The following OSBP2 variants were observed in gnomAD, a reference collection of about 807,000 sequenced individuals.
OSBP2 encodes oxysterol binding protein 2, also known as oxysterol-binding protein 2.
Under a neutral mutation model 96.0 loss-of-function variants are expected in OSBP2, and 66 were observed. That is an observed-to-expected ratio of 0.69 (90% CI 0.56 to 0.84). The LOEUF (loss-of-function observed/expected upper bound fraction) is 0.84. OSBP2 is among the 40% of genes least tolerant of loss of function. OSBP2 has a pLI of 0.00. For synonymous variants in OSBP2, 525 were observed against 520.9 expected, an observed-to-expected ratio of 1.01 and a Z score of -0.11; for missense variants, 1,038 against 1,222.7, an observed-to-expected ratio of 0.85 and a Z score of 2.25.
chr22:30,705,449 A>G (rs2089237532), intron 1 of OSBP2, among the ~76,000 whole-genome samples: 1 of 152,016 alleles, frequency 6.6e-6, no homozygotes, highest in Non-Finnish European at 1.5e-5. Flanking sequence ...ATGCACCACC[A>G]TGCCCGGCTA....
chr22:30,813,584 C>T (rs1182776614), intron 2 of OSBP2, among the ~76,000 whole-genome samples: 1 of 152,070 alleles, frequency 6.6e-6, no homozygotes, highest in East Asian at 1.9e-4. Flanking sequence ...TGCTGTCTGT[C>T]CTGCCCATCC....
chr22:30,906,261 G>C lies in OSBP2; in HGVS notation c.2673G>C (p.Glu891Asp), dbSNP rs778478467. The C allele has an allele frequency of 3.7e-6, 6 of 1,614,218 alleles. No homozygotes were observed. In the South Asian group the frequency reaches 6.6e-5, roughly 18 times the overall value. The change falls in exon 14 of 14, where the codon GAG becomes GAC. Residue 891 changes from glutamate to aspartate, a missense_variant. Glu to Asp is a conservative substitution (Grantham distance 45). Around this residue, in one of 3 missense-constraint regions of OSBP2, gnomAD observed 737 missense variants for 913.3 expected, o/e 0.81. Coordinates refer to ENST00000332585, the MANE Select transcript of OSBP2 (RefSeq NM_030758.4). ...FEKRLDPLTG[E>D]MACVYKGGYW... Reference sequence around the variant, plus strand: ...AGAGGCTGGATCCGCTGACCGGGGAGATGGCCTGTGTGTACAAGGGCGGCT... The same window carrying C: ...AGAGGCTGGATCCGCTGACCGGGGACATGGCCTGTGTGTACAAGGGCGGCT...
chr22:30,892,260 G>T (rs776006544), intron 8 of OSBP2, among the ~76,000 whole-genome samples: 12 of 152,158 alleles, frequency 7.9e-5, no homozygotes, highest in Non-Finnish European at 1.8e-4. Context: ...GGATGCTGAG[G>T]TATAGGCGAG....
chr22:30,863,060 G>T (rs1304023653), intron 2 of OSBP2, among the ~76,000 whole-genome samples: 1 of 152,118 alleles, frequency 6.6e-6, no homozygotes, highest in Non-Finnish European at 1.5e-5. Flanking sequence ...TCTTCTGGGG[G>T]TGACACTTGC....
At chr22:30,895,828 C>T (rs974281849) in intron 12 of OSBP2, among the ~76,000 whole-genome samples, 3 of 151,584 alleles carry the variant, frequency 2.0e-5, no homozygotes, top group African/African-American at 7.3e-5. Context: ...ATCCCAGCTA[C>T]TCAGGAGGCT....
intron 2 of OSBP2, among the ~76,000 whole-genome samples, chr22:30,801,030 T>C (rs1050728419): frequency 6.6e-6 from 1 of 152,242 alleles, no homozygotes; most frequent in Non-Finnish European, 1.5e-5. Flanking sequence ...AATTAGACTA[T>C]TAACGGAGTT....
In OSBP2 at chr22:30,871,335, G is replaced by A. The variant is rs534031189; in HGVS notation, c.1107+653G>A. 1.3e-5 allele frequency among the ~76,000 whole-genome samples: 2 copies of A among 152,260 alleles called. No individual in the cohort carries two copies. Among genetic ancestry groups the A allele is most frequent in the South Asian group, 2.1e-4 (1 of 4,818 alleles). On this transcript the variant is annotated intron_variant, in intron 3 of 13. Transcript: ENST00000332585. The surrounding 1 kb of genome is among the most constrained non-coding windows in gnomAD (Gnocchi z 4.7). ...GGAGGGTGTCTCGATGGTGGTAGGA[G>A]GATAGTGCTTGGCCCTGCTTCCCTC... is the stretch of plus-strand genomic sequence containing the variant.
intron 2 of OSBP2, among the ~76,000 whole-genome samples, chr22:30,755,847 G>A (rs753281348): frequency 2.0e-4 from 31 of 152,240 alleles, no homozygotes; most frequent in Non-Finnish European, 2.9e-4. Flanking sequence ...TGGTGTCTTG[G>A]TGCCTCTGCT....
Position 30,870,157 on chromosome 22 carries a change from CA to C in OSBP2, c.854-269del, listed in dbSNP as rs2039428148. ...TGGGTGCCTGTAGGCCTGCCGCCTC[CA>C]AAGCCCAGTCCCGGCCCTGCCATTC... On this transcript the variant is annotated intron_variant, in intron 2 of 13. Coordinates refer to ENST00000332585, the MANE Select transcript of OSBP2 (RefSeq NM_030758.4). The surrounding 1 kb of genome is among the most constrained non-coding windows in gnomAD (Gnocchi z 4.1). 6.6e-6 allele frequency among the ~76,000 whole-genome samples: 1 copy of C among 152,338 alleles called. No homozygotes were observed. Among genetic ancestry groups the C allele is most frequent in the Middle Eastern group, 3.4e-3 (1 of 294 alleles).
At chr22:30,847,225 A>G (rs1254878048) in intron 2 of OSBP2, among the ~76,000 whole-genome samples, 1 of 150,478 alleles carries the variant, frequency 6.6e-6, no homozygotes, top group East Asian at 2.0e-4. Flanking sequence ...TGATCTTCTT[A>G]CCTCGGCCTC....
intron 2 of OSBP2, among the ~76,000 whole-genome samples, chr22:30,763,094 C>T (rs1340631841): frequency 2.0e-5 from 3 of 152,176 alleles, no homozygotes; most frequent in African/African-American, 7.2e-5. Flanking sequence ...AAATGGGTTT[C>T]ATGATAGAAC....
In OSBP2 at chr22:30,695,518, G is replaced by C. The variant is rs760991362; in HGVS notation, c.609G>C (p.Trp203Cys). ...ATCTGAAGGGCTACCAGCGCCGCTG[G>C]TTCGTGCTGGGCAATGGTTTGCTCT... is the stretch of plus-strand genomic sequence containing the variant. Reference protein sequence around the residue: ...TNYLKGYQRRWFVLGNGLLSY... With the variant: ...TNYLKGYQRRCFVLGNGLLSY... The change falls in exon 1 of 14, where the codon TGG (tryptophan) becomes TGC (cysteine). Residue 203 changes from tryptophan to cysteine, a missense_variant. Transcript: ENST00000332585. The C allele has an allele frequency of 1.9e-6, 3 of 1,611,782 alleles. No individual in the cohort carries two copies. In the South Asian group the frequency reaches 3.3e-5, roughly 18 times the overall value.
At chr22:30,802,177 G>A (rs531310378) in intron 2 of OSBP2, among the ~76,000 whole-genome samples, 51 of 152,286 alleles carry the variant, frequency 3.3e-4, no homozygotes, top group African/African-American at 1.2e-3. Context: ...TCATGTTGCT[G>A]GTCTGTGGCA....
At chr22:30,733,524 G>T (rs943614395) in intron 1 of OSBP2, among the ~76,000 whole-genome samples, 2 of 152,134 alleles carry the variant, frequency 1.3e-5, no homozygotes, top group Non-Finnish European at 1.5e-5. Flanking sequence ...GCTTGTCGGT[G>T]ACCACTCAGG....
intron 2 of OSBP2, among the ~76,000 whole-genome samples, chr22:30,769,420 A>C (rs1400838979): frequency 6.6e-6 from 1 of 152,186 alleles, no homozygotes; most frequent in Admixed American, 6.5e-5. Flanking sequence ...GAGGCTAAGA[A>C]GAGCAGATCA....
intron 1 of OSBP2, among the ~76,000 whole-genome samples, chr22:30,709,207 A>G (rs1272599949): frequency 2.0e-5 from 3 of 152,226 alleles, no homozygotes; most frequent in Non-Finnish European, 4.4e-5. Context: ...TCAGCTATCC[A>G]ATCAGTGTTC....
At position 30,878,756 on chromosome 22, in the gene OSBP2, C is replaced by T. The variant is rs77060581; in HGVS notation, c.1107+8074C>T. On this transcript the variant is annotated intron_variant, in intron 3 of 13. Coordinates refer to ENST00000332585, the MANE Select transcript of OSBP2 (RefSeq NM_030758.4). ...TCAGGAGACACACTTTGGTGCCTGCCGCAGGGCTGGCTGGGCAGTATGGGG... is the reference window on the plus strand; with the variant it reads ...TCAGGAGACACACTTTGGTGCCTGCTGCAGGGCTGGCTGGGCAGTATGGGG... Among the ~76,000 whole-genome samples, 888 of 152,196 alleles carry T rather than the reference C, an allele frequency of 5.8e-3. 4 individuals are homozygous for T. Among genetic ancestry groups the T allele is most frequent in the Middle Eastern group, 0.014 (4 of 294 alleles).
intron 2 of OSBP2, chr22:30,773,349 T>C (rs136320): frequency 0.77 from 116,785 of 152,490 alleles, 45,771 homozygotes; most frequent in African/African-American, 0.93. Flanking sequence ...GCCTCTTAAA[T>C]GCCTTTTTAT....
At chr22:30,717,090 T>TTTTTTTTTG (rs71328866) in intron 1 of OSBP2, among the ~76,000 whole-genome samples, 8 of 118,318 alleles carry the variant, frequency 6.8e-5, no homozygotes, top group African/African-American at 2.2e-4. Flanking sequence ...TTTACTGTTT[T>TTTTTTTTTG]TGTGTGTGTG....
Sources: allele counts gnomAD v4.1 joint callset (sites outside exome capture counted in the v4.1 genomes callset), GRCh38; gene constraint gnomAD v4.1.1; regional missense constraint gnomAD v4.1.1; non-coding constraint Gnocchi (gnomAD v3.1); transcripts MANE v1.5; gene names NCBI Gene and HGNC (gene_info 2026-07-23, HGNC 2026-07-21).